UTRN: variants seen among roughly 807,000 people sequenced by gnomAD.
The protein encoded by UTRN is dystrophin-related protein 1.
UTRN carries 283 observed loss-of-function variants against 463.9 expected under a neutral mutation model. The ratio of observed to expected loss-of-function variants is 0.61; its 90% CI spans 0.55 to 0.67. UTRN has a LOEUF of 0.67. Among genes scored for constraint, UTRN ranks in the 30% least tolerant of loss-of-function variants. The pLI is 0.00. For missense variants in UTRN, 3,922 were observed against 4,084.3 expected (o/e 0.96, Z 1.08); for synonymous variants, 1,442 against 1,431.5 (o/e 1.01, Z -0.17).
At chr6:144,513,844 C>G in intron 35 of UTRN, 65 bp from the exon 36 acceptor site, 1 of 1,551,614 alleles carries the variant, frequency 6.4e-7, no homozygotes. Context: ...TTTTAAATCT[C>G]TTTTAAGATT....
chr6:144,575,584 G>C (rs926596418), intron 50 of UTRN, among the ~76,000 whole-genome samples: 15 of 152,246 alleles, frequency 9.9e-5, no homozygotes, highest in African/African-American at 3.4e-4. Flanking sequence ...CACATTGACG[G>C]AAGTTTTACA....
chr6:144,330,154 G>C (rs1178375497), intron 2 of UTRN, among the ~76,000 whole-genome samples: 2 of 152,206 alleles, frequency 1.3e-5, no homozygotes, highest in African/African-American at 4.8e-5. Flanking sequence ...ATAGTTCAAG[G>C]TGGTGGAGGG....
At chr6:144,322,011 G>A (rs535072977) in intron 2 of UTRN, among the ~76,000 whole-genome samples, 7 of 151,974 alleles carry the variant, frequency 4.6e-5, no homozygotes, top group East Asian at 1.9e-4. Context: ...CGATCCACCC[G>A]CCTCGGCCTC....
chr6:144,843,637 C>A (rs971826827), intron 73 of UTRN, among the ~76,000 whole-genome samples: 1 of 152,126 alleles, frequency 6.6e-6, no homozygotes, highest in Non-Finnish European at 1.5e-5. Flanking sequence ...ACCCACATCA[C>A]AGAGATTCAT....
chr6:144,612,320 A>G (rs570575237), intron 51 of UTRN, among the ~76,000 whole-genome samples: 1 of 152,178 alleles, frequency 6.6e-6, no homozygotes, highest in Non-Finnish European at 1.5e-5. Context: ...TAAGGCAATG[A>G]TTTTTTTAAT....
intron 51 of UTRN, among the ~76,000 whole-genome samples, chr6:144,640,377 C>T (rs1010085051): frequency 1.3e-5 from 2 of 152,134 alleles, no homozygotes; most frequent in Non-Finnish European, 2.9e-5. Context: ...AAACATGATA[C>T]ATTAAGTGTA....
Position 144,491,092 on chromosome 6 carries a change from A to G in UTRN, c.4427A>G (p.Asp1476Gly). Reference protein sequence around the residue: ...VDPDVIQTHLDKCMKLYKTLS... With the variant: ...VDPDVIQTHLGKCMKLYKTLS... Reference sequence around the variant, plus strand: ...CCTGACGTCATACAGACGCACCTGGACAAGTGTATGGTGAGGCTTTTGGGT... The same window carrying G: ...CCTGACGTCATACAGACGCACCTGGGCAAGTGTATGGTGAGGCTTTTGGGT... The change falls in exon 32 of 75, where the codon GAC becomes GGC. Residue 1476 changes from aspartate to glycine, a missense_variant. This residue lies in a region of UTRN where 2,349 missense variants were observed against 2,303.8 expected (regional missense o/e 1.02). Transcript: ENST00000367545. 1 of 1,606,160 alleles carries G rather than the reference A, an allele frequency of 6.2e-7. No individual in the cohort carries two copies.
intron 51 of UTRN, among the ~76,000 whole-genome samples, chr6:144,597,700 T>A (rs1012762884): frequency 3.3e-5 from 5 of 152,224 alleles, no homozygotes; most frequent in Non-Finnish European, 7.3e-5. Flanking sequence ...GGTCTTTATC[T>A]ATGAAAGAAG....
At chr6:144,451,147 TTTC>T (rs1224228351) in intron 17 of UTRN, among the ~76,000 whole-genome samples, 1 of 152,178 alleles carries the variant, frequency 6.6e-6, no homozygotes, top group Non-Finnish European at 1.5e-5. Context: ...ATTTAATTAT[TTTC>T]TTCAATTGTT....
At chr6:144,682,603 G>A (rs1293571628) in intron 52 of UTRN, among the ~76,000 whole-genome samples, 1 of 152,062 alleles carries the variant, frequency 6.6e-6, no homozygotes, top group Non-Finnish European at 1.5e-5. Context: ...CCCACCAACA[G>A]TTCACAAGGG....
chr6:144,684,558 C>T (rs1169930522), intron 52 of UTRN, among the ~76,000 whole-genome samples: 2 of 152,244 alleles, frequency 1.3e-5, no homozygotes, highest in African/African-American at 4.8e-5. Flanking sequence ...AATCAATTTC[C>T]AGGAGATCAA....
Position 144,852,251 on chromosome 6 carries a change from C to T in UTRN, c.*1254C>T, listed in dbSNP as rs1319671628. 1 of 152,104 alleles carries T rather than the reference C, an allele frequency of 6.6e-6. No homozygotes were observed. Among genetic ancestry groups the T allele is most frequent in the Non-Finnish European group, 1.5e-5 (1 of 67,996 alleles). The allele number at this position is 152,104 out of a possible 1,614,324, so 9.4% of individuals were successfully genotyped here. A position where few individuals can be genotyped will look rare whatever the true frequency, so the allele number is the denominator to read the frequency against. ...TAATGCTTAGGTGATGGTACCTCCA[C>T]CTACATCTTTTTGAGTGCATTCAAT... is the stretch of plus-strand genomic sequence containing the variant. On this transcript the variant is annotated 3_prime_UTR_variant, in exon 75 of 75. Coordinates refer to ENST00000367545, the MANE Select transcript of UTRN (RefSeq NM_007124.3).
chr6:144,782,961 C>T (rs537088644), intron 61 of UTRN, among the ~76,000 whole-genome samples: 4 of 151,356 alleles, frequency 2.6e-5, no homozygotes, highest in African/African-American at 7.3e-5. Flanking sequence ...TTTGGGTGGC[C>T]GAGGTGGGTG....
intron 35 of UTRN, 25 bp from the exon 36 acceptor site, chr6:144,513,884 A>G: frequency 6.2e-7 from 1 of 1,608,622 alleles, no homozygotes; most frequent in Non-Finnish European, 8.5e-7. Flanking sequence ...ATGGTTATGT[A>G]AGCATTTTAT....
At chr6:144,597,041 A>T (rs1403616040) in intron 51 of UTRN, among the ~76,000 whole-genome samples, 2 of 152,192 alleles carry the variant, frequency 1.3e-5, no homozygotes, top group Non-Finnish European at 2.9e-5. Context: ...GATTGAGACT[A>T]TCCTGGCTAA....
At chr6:144,828,340 A>G (rs1279481255) in intron 68 of UTRN, among the ~76,000 whole-genome samples, 3 of 152,162 alleles carry the variant, frequency 2.0e-5, no homozygotes, top group Admixed American at 2.0e-4. Context: ...AGAGAAATAG[A>G]TGAGAAAGTG....
At chr6:144,327,799 C>T (rs1776066133) in intron 2 of UTRN, among the ~76,000 whole-genome samples, 1 of 151,922 alleles carries the variant, frequency 6.6e-6, no homozygotes, top group Admixed American at 6.6e-5. Context: ...CAAAAATTAG[C>T]TGGGCATGGT....
At position 144,754,587 on chromosome 6, in the gene UTRN, C is replaced by G; in HGVS notation, c.8356-133C>G. On this transcript the variant is annotated intron_variant, in intron 56 of 74. Coordinates refer to ENST00000367545, the MANE Select transcript of UTRN (RefSeq NM_007124.3). ...CTGATACCAGAGACAGAGAAGGGGT[C>G]CAAGGGGTCTATATAAACAATCATA... 1.8e-5 allele frequency: 8 copies of G among 436,158 alleles called. No individual in the cohort carries two copies. The East Asian group carries it at 2.1e-4, about 11-fold the overall frequency. The allele number at this position is 436,158 out of a possible 1,614,324, so 27.0% of individuals were successfully genotyped here.
At chr6:144,579,538 A>G (rs1007782225) in intron 51 of UTRN, among the ~76,000 whole-genome samples, 5 of 152,048 alleles carry the variant, frequency 3.3e-5, no homozygotes, top group Non-Finnish European at 7.4e-5. Flanking sequence ...GACATATTTT[A>G]TCTTAGGATA....
Sources: gnomAD v4.1 joint callset for allele counts (sites outside exome capture counted in the v4.1 genomes callset) on GRCh38, gnomAD v4.1.1 for gene constraint, gnomAD v4.1.1 regional missense constraint, MANE v1.5 for transcripts, NCBI Gene and HGNC (gene_info 2026-07-23, HGNC 2026-07-21) for gene names.